The following TMEM259 variants were observed in gnomAD, a reference collection of about 807,000 sequenced individuals.
TMEM259 encodes the protein membralin.
A neutral mutation model predicts 46.7 loss-of-function variants in TMEM259; 26 were observed. The observed-to-expected ratio is 0.56, with a 90% CI of 0.41 to 0.77. TMEM259 has a LOEUF of 0.77. Ranked by LOEUF, TMEM259 falls within the 30% of genes least tolerant of loss-of-function variation. TMEM259 has a pLI of 0.00. For synonymous variants in TMEM259, 494 were observed against 395.1 expected (o/e 1.25, Z -2.97); for missense variants, 930 against 900.5 (o/e 1.03, Z -0.42).
chr19:1,012,112 G>A lies in TMEM259; in HGVS notation c.795C>T (p.Ile265=), dbSNP rs764101442. 3.1e-6 allele frequency: 5 copies of A among 1,611,208 alleles called. No homozygotes were observed. Among genetic ancestry groups the A allele is most frequent in the Non-Finnish European group, 4.2e-6 (5 of 1,179,218 alleles). ...LLDEFLGYDD[I]LMSSVKGLAE... is the part of the protein sequence containing the mutation. ...CCAGGCCCTTCACGCTGGACATGAG[G>A]ATGTCATCGTAGCCCAGGAACTCAT... Residue 265 remains isoleucine (I), a synonymous_variant, in exon 5 of 11, where the codon ATC becomes ATT. Coordinates refer to ENST00000356663, the MANE Select transcript of TMEM259 (RefSeq NM_001033026.2).
rs1365364703 is a variant in TMEM259 at position 1,009,722 on chromosome 19, G to A, written c.*628C>T. The A allele has an allele frequency of 1.1e-6, 1 of 896,862 alleles. No individual in the cohort carries two copies. The highest frequency in any genetic ancestry group is 1.8e-5 in the African/African-American group (1 of 56,712). 55.6% of individuals were successfully genotyped at this position (896,862 alleles called of 1,614,324 possible). ...ACACTGCAATTAAATAGAATGGAAT[G>A]AGCGCTCCTCCGCATTCCTCCCCGA... On this transcript the variant is annotated 3_prime_UTR_variant, in exon 11 of 11. Transcript: ENST00000356663.
chr19:1,009,751 A>G lies in TMEM259; in HGVS notation c.*599T>C. 3 of 755,528 alleles carry G rather than the reference A, an allele frequency of 4.0e-6. No homozygotes were observed. The highest frequency in any genetic ancestry group is 3.4e-5 in the East Asian group (1 of 29,140). 46.8% of individuals were successfully genotyped at this position (755,528 alleles called of 1,614,324 possible). A position where few individuals can be genotyped will look rare whatever the true frequency, so the allele number is the denominator to read the frequency against. On this transcript the variant is annotated 3_prime_UTR_variant, in exon 11 of 11. Transcript: ENST00000356663. ...GCTCCTCCGCATTCCTCCCCGAGTG[A>G]CTGGTTTGGCCGCCGGCCCACTCCA...
chr19:1,019,098 A>C (rs772913432), intron 1 of TMEM259, among the ~76,000 whole-genome samples: 4 of 151,914 alleles, frequency 2.6e-5, no homozygotes, highest in Admixed American at 6.6e-5. Flanking sequence ...TCCACCCTAC[A>C]CAGAAGACGG....
At chr19:1,019,765 G>A (rs1390147324) in intron 1 of TMEM259, among the ~76,000 whole-genome samples, 2 of 152,194 alleles carry the variant, frequency 1.3e-5, no homozygotes, top group Non-Finnish European at 2.9e-5. Context: ...AAAAGCTCAC[G>A]GCGCAACTTC....
At position 1,010,324 on chromosome 19, in the gene TMEM259, G is replaced by A. The variant is rs1599466960; in HGVS notation, c.*26C>T. 2.8e-6 allele frequency: 4 copies of A among 1,449,952 alleles called. No homozygotes were observed. The highest frequency in any genetic ancestry group is 3.0e-5 in the Admixed American group (1 of 33,556). The allele number at this position is 1,449,952 out of a possible 1,614,324, so 89.8% of individuals were successfully genotyped here. On this transcript the variant is annotated 3_prime_UTR_variant, in exon 11 of 11. Coordinates refer to ENST00000356663, the MANE Select transcript of TMEM259 (RefSeq NM_001033026.2). ...GGGAAGGTCAGGCCCAGCCAGCAGG[G>A]GTCAGAGGCGGCTCAGCTGTGCGGC...
At chr19:1,011,692 T>G (rs993758150) in intron 7 of TMEM259, 29 bp from the exon 8 acceptor site, 1 of 1,534,492 alleles carries the variant, frequency 6.5e-7, no homozygotes, top group Non-Finnish European at 8.8e-7. Context: ...GGGCGCCCGG[T>G]GAGGGCCTGG....
chr19:1,013,433 G>A (rs1360532131), intron 2 of TMEM259, 93 bp from the exon 3 acceptor site: 10 of 1,309,716 alleles, frequency 7.6e-6, no homozygotes, highest in Middle Eastern at 2.2e-4. Flanking sequence ...GGAAGGGACT[G>A]GAAGCCTCAG....
rs781093344 is a variant in TMEM259, at chr19:1,012,423, C to G, written c.718+40G>C. On this transcript the variant is annotated intron_variant, in intron 4 of 10. Coordinates refer to ENST00000356663, the MANE Select transcript of TMEM259 (RefSeq NM_001033026.2). ...GGAGACCCGAGGGAGGAGGGGAGGC[C>G]CCGCCATGGAGCTCCCCAAGCCCAG... 57 of 1,543,242 alleles carry G rather than the reference C, an allele frequency of 3.7e-5. No homozygotes were observed. The East Asian group carries it at 1.4e-3, about 37-fold the overall frequency.
rs1429602477 is a variant in TMEM259 at position 1,010,427 on chromosome 19, G to C, written c.1786C>G (p.Pro596Ala). 1 of 1,533,736 alleles carries C rather than the reference G, an allele frequency of 6.5e-7. No individual in the cohort carries two copies. Among genetic ancestry groups the C allele is most frequent in the Non-Finnish European group, 8.8e-7 (1 of 1,142,454 alleles). Reference protein sequence around the residue: ...PSDSAASDTTPLGAAVGGPSP... With the variant: ...PSDSAASDTTALGAAVGGPSP... ...GGCCCGCCTACCGCAGCCCCCAGGG[G>C]AGTTGTGTCAGAAGCTGCGGAGTCA... Residue 596 changes from proline to alanine, a missense_variant, in exon 11 of 11, where the codon CCC (proline) becomes GCC (alanine). Physicochemically the swap from Pro to Ala is conservative, Grantham distance 27. Transcript: ENST00000356663.
intron 4 of TMEM259, 56 bp from the exon 5 acceptor site, chr19:1,012,244 C>T (rs1240124887): frequency 1.3e-6 from 2 of 1,551,748 alleles, no homozygotes; most frequent in African/African-American, 1.4e-5. Context: ...CCCCTGGGCC[C>T]TGCCCCAGCT....
At chr19:1,015,399 C>T (rs1655592871) in intron 1 of TMEM259, among the ~76,000 whole-genome samples, 1 of 152,214 alleles carries the variant, frequency 6.6e-6, no homozygotes, top group Admixed American at 6.5e-5. Context: ...CCGACGTCCA[C>T]AGGGCTTGGG....
In TMEM259 at chr19:1,013,382, G is replaced by A. The variant is rs7258158; in HGVS notation, c.508-42C>T. 6.0e-3 allele frequency: 9,489 copies of A among 1,586,288 alleles called. 475 individuals are homozygous for A. The African/African-American group carries it at 0.11, about 19-fold the overall frequency. On this transcript the variant is annotated intron_variant, in intron 2 of 10. Transcript: ENST00000356663. ...ACCTGGGTGTCAGCAGCGCCAGCCC[G>A]GGCTGTGAGGGCCCAGCCTGAGGAT...
intron 1 of TMEM259, among the ~76,000 whole-genome samples, chr19:1,016,099 G>A (rs538951853): frequency 2.0e-5 from 3 of 152,288 alleles, no homozygotes; most frequent in Non-Finnish European, 4.4e-5. Context: ...GGGGATGAAG[G>A]CTGGCCCGGC....
rs762153382 is a variant in TMEM259, at chr19:1,010,635, C to T, written c.1578G>A (p.Ala526=). 20 of 1,544,462 alleles carry T rather than the reference C, an allele frequency of 1.3e-5. No homozygotes were observed. The highest frequency in any genetic ancestry group is 9.7e-5 in the Admixed American group (5 of 51,746). The change falls in exon 11 of 11, where the codon GCG becomes GCA. Residue 526 remains alanine, a synonymous_variant. Coordinates refer to ENST00000356663, the MANE Select transcript of TMEM259 (RefSeq NM_001033026.2). ...VAAAPSSLVA[A]AASVAAAAGG... ...CGGCAGCTGCTGCCACTGAGGCTGC[C>T]GCGGCCACCAGGGAGCTGGGCGCCG...
In TMEM259 at chr19:1,011,999, C is replaced by CGG; in HGVS notation, c.842-8_842-7insCC. ...ACCACATTCCGCAGGAAGCCTGCAG[C>CGG]AGAAGGAGCCGTGAGCGCCCGCCCC... On this transcript the variant is annotated splice_region_variant and splice_polypyrimidine_tract_variant and intron_variant, in intron 5 of 10. Transcript: ENST00000356663. 10 of 1,611,652 alleles carry CGG rather than the reference C, an allele frequency of 6.2e-6. No homozygotes were observed. Among genetic ancestry groups the CGG allele is most frequent in the Non-Finnish European group, 8.5e-6 (10 of 1,179,424 alleles).
chr19:1,012,535 C>T lies in TMEM259; in HGVS notation c.646G>A (p.Glu216Lys). 1 of 1,599,830 alleles carries T rather than the reference C, an allele frequency of 6.3e-7. No homozygotes were observed. Among genetic ancestry groups the T allele is most frequent in the African/African-American group, 1.3e-5 (1 of 74,812 alleles). The change falls in exon 4 of 11, where the codon GAG (glutamate) becomes AAG (lysine). Residue 216 changes from glutamate to lysine, a missense_variant. By Grantham distance (56) the Glu-to-Lys change is moderately conservative. Coordinates refer to ENST00000356663, the MANE Select transcript of TMEM259 (RefSeq NM_001033026.2). ...TGCGACAGGCGAAGGAAGCCATACT[C>T]TAGTGAGTACTCCACGATGTACTCG... ...QDEYIVEYSL[E>K]YGFLRLSQAT...
Position 1,020,854 on chromosome 19 carries a change from A to C in TMEM259, c.143T>G (p.Leu48Arg). ...ATAGGTGACAGCCATCTTGAAGAAC[A>C]GCGCGTGGAAGAGCCGGTCGCGCAC... ...INVRDRLFHA[L>R]FFKMAVTYSR... The change falls in exon 1 of 11, where the codon CTG becomes CGG. Residue 48 changes from leucine (L) to arginine (R), a missense_variant. Physicochemically the swap from Leu to Arg is moderately radical, Grantham distance 102 (BLOSUM62 -2). Coordinates refer to ENST00000356663, the MANE Select transcript of TMEM259 (RefSeq NM_001033026.2). This position sits in a 1 kb window ranked among gnomAD's most constrained non-coding sequence, Gnocchi z 4.0. The C allele has an allele frequency of 7.4e-7, 1 of 1,349,140 alleles. No homozygotes were observed. Among genetic ancestry groups the C allele is most frequent in the Non-Finnish European group, 9.6e-7 (1 of 1,044,110 alleles). 83.6% of individuals were successfully genotyped at this position (1,349,140 alleles called of 1,614,324 possible). A position where few individuals can be genotyped will look rare whatever the true frequency, so the allele number is the denominator to read the frequency against.
In TMEM259 at chr19:1,011,969, C is replaced by T; in HGVS notation, c.865G>A (p.Gly289Ser). 6.2e-7 allele frequency: 1 copy of T among 1,612,186 alleles called. No individual in the cohort carries two copies. Among genetic ancestry groups the T allele is most frequent in the Non-Finnish European group, 8.5e-7 (1 of 1,179,568 alleles). Residue 289 changes from glycine to serine, a missense_variant, in exon 6 of 11, where the codon GGC becomes AGC. Physicochemically the swap from Gly to Ser is moderately conservative, Grantham distance 56. Transcript: ENST00000356663. ...ATGCTCACAAAGCGGTAGTGCTCGCCCGACACCACATTCCGCAGGAAGCCT... is the reference window on the plus strand; with the variant it reads ...ATGCTCACAAAGCGGTAGTGCTCGCTCGACACCACATTCCGCAGGAAGCCT... ...NKGFLRNVVS[G>S]EHYRFVSMWM...
At chr19:1,015,493 G>T (rs562163100) in intron 1 of TMEM259, among the ~76,000 whole-genome samples, 1 of 152,308 alleles carries the variant, frequency 6.6e-6, no homozygotes, top group East Asian at 1.9e-4. Context: ...CTTCCAGGGA[G>T]CCCGCCTCAC....
Sources: gnomAD v4.1 joint callset for allele counts (sites outside exome capture counted in the v4.1 genomes callset) on GRCh38, gnomAD v4.1.1 for gene constraint, Gnocchi (gnomAD v3.1) non-coding constraint, MANE v1.5 for transcripts, NCBI Gene and HGNC (gene_info 2026-07-23, HGNC 2026-07-21) for gene names.